Variants in SWI5 observed in about 807,000 individuals in gnomAD.
SWI5 encodes DNA repair protein SWI5 homolog.
Under a neutral mutation model 17.0 loss-of-function variants are expected in SWI5, and 12 were observed. The observed-to-expected ratio is 0.71, with a 90% CI of 0.45 to 1.14. The LOEUF is 1.14. Ranked by LOEUF, SWI5 falls within the 50% of genes most tolerant of loss-of-function variation. The pLI is 0.00. For missense variants in SWI5, 158 were observed against 162.2 expected (o/e 0.97, Z 0.14); for synonymous variants, 61 against 64.0 (o/e 0.95, Z 0.22).
upstream of SWI5, chr9:128,275,812 G>A: frequency 1.3e-6 from 1 of 750,876 alleles, no homozygotes; most frequent in South Asian, 1.8e-5. Context: ...TGCCTCAGGA[G>A]TGGCAGAGAC....
At chr9:128,276,660 A>C (rs1475223013) in intron 1 of SWI5, 47 bp from the exon 2 acceptor site, 7 of 1,613,834 alleles carry the variant, frequency 4.3e-6, no homozygotes, top group South Asian at 1.1e-5. Flanking sequence ...CCGTCCTCAC[A>C]GCGGGCTGTG....
At chr9:128,278,709 A>T (rs1467100547) in intron 2 of SWI5, 2 of 471,038 alleles carry the variant, frequency 4.2e-6, no homozygotes, top group African/African-American at 4.0e-5. Context: ...CAGAGAGATG[A>T]ATATAGCCAG....
chr9:128,284,956 TAAAAAAAAAAAAAA>T (rs570065202), intron 3 of SWI5, among the ~76,000 whole-genome samples: 4 of 84,972 alleles, frequency 4.7e-5, no homozygotes, highest in Non-Finnish European at 8.6e-5. Flanking sequence ...AATCTGTCTT[TAAAAAAAAAAAAAA>T]AAAAAAAAAA....
At chr9:128,276,154 G>C (rs762907156), upstream of SWI5, 5 of 1,569,096 alleles carry the variant, frequency 3.2e-6, no homozygotes, top group South Asian at 2.3e-5. Flanking sequence ...CTATGCAGCG[G>C]CGTGGCCAGA....
At chr9:128,276,126 A>T, upstream of SWI5, 1 of 1,565,848 alleles carries the variant, frequency 6.4e-7, no homozygotes, top group Non-Finnish European at 8.6e-7. Context: ...GAGAAATATG[A>T]AGCGGAAGGG....
upstream of SWI5, chr9:128,276,152 C>G: frequency 1.3e-6 from 2 of 1,566,290 alleles, no homozygotes; most frequent in Non-Finnish European, 1.7e-6. Context: ...GGCTATGCAG[C>G]GGCGTGGCCA....
chr9:128,275,529 G>A (rs1165252213), upstream of SWI5: 9 of 1,293,798 alleles, frequency 7.0e-6, no homozygotes, highest in Non-Finnish European at 8.9e-6. Context: ...GGGGCCCCGG[G>A]AGTCACGGGC....
chr9:128,279,414 A>AG (rs761359696), intron 2 of SWI5, among the ~76,000 whole-genome samples: 23 of 152,274 alleles, frequency 1.5e-4, no homozygotes, highest in Non-Finnish European at 2.9e-4. Context: ...ATACAAAACA[A>AG]GGGGGGCAGG....
chr9:128,275,884 G>A (rs1339164467), upstream of SWI5: 3 of 1,505,126 alleles, frequency 2.0e-6, no homozygotes, highest in African/African-American at 1.4e-5. Flanking sequence ...GCGACCCGGT[G>A]CACTTTACCT....
chr9:128,286,547 C>T (rs543645407), intron 4 of SWI5: 1 of 156,084 alleles, frequency 6.4e-6, no homozygotes, highest in East Asian at 1.9e-4. Flanking sequence ...CCTACAAACC[C>T]TTCAGTTCCA....
exon 3 of SWI5, chr9:128,284,573 C>G (rs763091774): frequency 6.2e-7 from 1 of 1,613,862 alleles, no homozygotes; most frequent in South Asian, 1.1e-5. Context: ...CCTTGACATT[C>G]AGAAACTGAA....
Position 128,284,539 on chromosome 9 carries a change from T to A in SWI5, c.141T>A (p.Asp47Glu), listed in dbSNP as rs974459663. The stretch of plus-strand genomic sequence containing the variant: ...CATTGCCCAAGTCTGGCCAGGCTGA[T>A]GGGACCAGCGAGGAGTCTCTGCACC... Residue 47 changes from aspartate (D) to glutamate (E), a missense_variant, in exon 3 of 5, where the codon GAT (aspartate) becomes GAA (glutamate). Coordinates refer to ENST00000418976, the Ensembl canonical transcript of SWI5. The A allele has an allele frequency of 2.5e-6, 4 of 1,613,748 alleles. No homozygotes were observed. In the African/African-American group the frequency reaches 5.3e-5, roughly 22 times the overall value.
chr9:128,284,461 A>C (rs753111877), intron 2 of SWI5, 49 bp from the exon 3 acceptor site: 1 of 1,596,680 alleles, frequency 6.3e-7, no homozygotes, highest in South Asian at 1.1e-5. Context: ...GTAGGCTGTG[A>C]ATTGTGGATA....
chr9:128,276,995 C>A (rs1831413611), intron 2 of SWI5, among the ~76,000 whole-genome samples: 1 of 152,098 alleles, frequency 6.6e-6, no homozygotes, highest in Admixed American at 6.6e-5. Flanking sequence ...CCCTCCCCAT[C>A]CTGTCTCCTG....
chr9:128,283,482 G>T (rs932431954), intron 2 of SWI5, among the ~76,000 whole-genome samples: 1 of 138,024 alleles, frequency 7.2e-6, no homozygotes, highest in African/African-American at 2.8e-5. Flanking sequence ...GGGCGACAGA[G>T]TGAGACTCCG....
At position 128,276,269 on chromosome 9, in the gene SWI5, G is replaced by T. The variant is rs1274571278; in HGVS notation, c.-72G>T. Reference sequence around the variant, plus strand: ...TCCTTGGGTGCGCGCGCAGCTTTCTGTGCGCCAGTTCACACTCCGGGTCAG... The same window carrying T: ...TCCTTGGGTGCGCGCGCAGCTTTCTTTGCGCCAGTTCACACTCCGGGTCAG... On this transcript the variant is annotated 5_prime_UTR_variant, in exon 1 of 5. Transcript: ENST00000418976. 6.2e-7 allele frequency: 1 copy of T among 1,612,552 alleles called. No homozygotes were observed. Among genetic ancestry groups the T allele is most frequent in the African/African-American group, 1.3e-5 (1 of 74,862 alleles).
chr9:128,277,997 G>A (rs1199549545), intron 2 of SWI5, among the ~76,000 whole-genome samples: 2 of 147,910 alleles, frequency 1.4e-5, no homozygotes, highest in Non-Finnish European at 3.0e-5. Flanking sequence ...CTGTCGCCCG[G>A]GCTGGAGTGC....
At chr9:128,288,461 C>T (rs1000520924) in intron 4 of SWI5, among the ~76,000 whole-genome samples, 191 bp from the exon 5 acceptor site, 3 of 152,238 alleles carry the variant, frequency 2.0e-5, no homozygotes, top group Non-Finnish European at 2.9e-5. Flanking sequence ...AGGTGGGGCC[C>T]GTGGGGGACA....
At chr9:128,275,575 G>C, upstream of SWI5, 1 of 1,099,504 alleles carries the variant, frequency 9.1e-7, no homozygotes, top group Non-Finnish European at 1.2e-6. Context: ...CTGAATTGCT[G>C]GGGTCCTAGG....
Sources: gnomAD v4.1 joint callset for allele counts (sites outside exome capture counted in the v4.1 genomes callset) on GRCh38, gnomAD v4.1.1 for gene constraint, MANE v1.5 for transcripts, NCBI Gene and HGNC (gene_info 2026-07-23, HGNC 2026-07-21) for gene names.